The following FBXW8 variants were observed in gnomAD, a reference collection of about 807,000 sequenced individuals.
FBXW8 encodes F-box and WD repeat domain containing 8.
Under a neutral mutation model 65.3 loss-of-function variants are expected in FBXW8, and 57 were observed. The observed-to-expected ratio is 0.87, with a 90% CI of 0.71 to 1.09. The LOEUF (loss-of-function observed/expected upper bound fraction) is 1.09. FBXW8 is among the 50% of genes least tolerant of loss of function. FBXW8 has a pLI of 0.00. For synonymous variants in FBXW8, 308 were observed against 330.2 expected (o/e 0.93, Z 0.73); for missense variants, 777 against 814.8 (o/e 0.95, Z 0.57).
At chr12:116,946,858 T>C (rs1226755363) in intron 3 of FBXW8, among the ~76,000 whole-genome samples, 1 of 151,992 alleles carries the variant, frequency 6.6e-6, no homozygotes. Context: ...GGTCTAACCC[T>C]GGTGGGAGGG....
At chr12:116,911,485 C>T (rs1879940184) in intron 1 of FBXW8, 130 bp downstream of exon 1, 1 of 591,578 alleles carries the variant, frequency 1.7e-6, no homozygotes, top group Non-Finnish European at 2.5e-6. Flanking sequence ...CGCACAAACA[C>T]CAATGTTTGT....
chr12:116,929,304 G>C (rs551995630), intron 2 of FBXW8, among the ~76,000 whole-genome samples: 4 of 152,060 alleles, frequency 2.6e-5, no homozygotes, highest in Non-Finnish European at 4.4e-5. Context: ...GCGCGATCTC[G>C]GCTTCCTGCA....
rs1227735436 is a variant in FBXW8, at chr12:116,988,868, AG to A, written c.1239+1del. The A allele has an allele frequency of 1.2e-6, 2 of 1,613,388 alleles. No homozygotes were observed. The highest frequency in any genetic ancestry group is 3.3e-5 in the Admixed American group (2 of 60,012). ...QGLGWVYEGS[K>X]ILVYSLEAGR... ...CTGGGATGGGTGTACGAAGGAAGCA[AG>A]GTACACAACTAGCAAGATATATAAT... On this transcript the variant is annotated frameshift_variant and splice_region_variant, in exon 7 of 11. Transcript: ENST00000652555. LOFTEE classifies it high-confidence loss of function.
rs1172755911 is a variant in FBXW8, at chr12:116,911,043, C to T, written c.6C>T (p.Asp2=). Residue 2 remains aspartate, a synonymous_variant, in exon 1 of 11, where the codon GAC becomes GAT. Transcript: ENST00000652555. M[D]DYSLDEFRRR... ...GAGCGCCGGGAGCGGCGAATATGGA[C>T]GACTACAGCCTGGATGAGTTCCGTC... The T allele has an allele frequency of 9.7e-6, 14 of 1,439,020 alleles. 1 individual carries two copies. In the South Asian group the frequency reaches 1.8e-4, roughly 19 times the overall value. The allele number at this position is 1,439,020 out of a possible 1,614,324, so 89.1% of individuals were successfully genotyped here. A position where few individuals can be genotyped will look rare whatever the true frequency, so the allele number is the denominator to read the frequency against.
At chr12:116,979,765 TG>T (rs1170701594) in intron 5 of FBXW8, among the ~76,000 whole-genome samples, 2 of 133,268 alleles carry the variant, frequency 1.5e-5, no homozygotes, top group African/African-American at 6.1e-5. Flanking sequence ...TGATGCCTGG[TG>T]CAGGGAATGG....
At chr12:116,980,279 G>A (rs886798246) in intron 5 of FBXW8, 2 of 152,254 alleles carry the variant, frequency 1.3e-5, no homozygotes, top group Admixed American at 1.3e-4. Context: ...CTGGTTCCTG[G>A]TTCTGATCCC....
chr12:116,973,884 C>T (rs899558849), intron 5 of FBXW8, among the ~76,000 whole-genome samples: 4 of 152,314 alleles, frequency 2.6e-5, no homozygotes, highest in South Asian at 4.1e-4. Flanking sequence ...TAAAAAATAA[C>T]GTGTTTTTGA....
intron 8 of FBXW8, among the ~76,000 whole-genome samples, chr12:117,021,296 C>T (rs1171563500): frequency 6.6e-6 from 1 of 152,110 alleles, no homozygotes; most frequent in Non-Finnish European, 1.5e-5. Context: ...TCTTTTCTGT[C>T]GATTTAATAA....
intron 1 of FBXW8, among the ~76,000 whole-genome samples, chr12:116,912,750 A>T (rs1295585668): frequency 6.6e-6 from 1 of 152,210 alleles, no homozygotes; most frequent in African/African-American, 2.4e-5. Context: ...GGCGTGAGCC[A>T]CCGCGCCCGG....
intron 8 of FBXW8, among the ~76,000 whole-genome samples, chr12:117,023,530 A>AGGTTCTTAAAGAAATGGGGATTATT (rs1302532280): frequency 6.6e-6 from 1 of 152,160 alleles, no homozygotes; most frequent in Non-Finnish European, 1.5e-5. Context: ...GTTTTTAAAG[A>AGGTTCTTAAAGAAATGGGGATTATT]GGTTCTTAAA....
intron 2 of FBXW8, among the ~76,000 whole-genome samples, chr12:116,935,745 A>G (rs1307626973): frequency 6.6e-6 from 1 of 152,180 alleles, no homozygotes; most frequent in Admixed American, 6.5e-5. Context: ...GTGTGTTTGA[A>G]CTTTTCCACA....
chr12:116,973,451 T>C (rs576758559), intron 5 of FBXW8, among the ~76,000 whole-genome samples: 16 of 152,304 alleles, frequency 1.1e-4, no homozygotes, highest in Admixed American at 9.2e-4. Flanking sequence ...ACAGGAACCG[T>C]CTTAATAAAG....
chr12:116,921,468 T>C (rs1466047198), intron 1 of FBXW8, among the ~76,000 whole-genome samples: 6 of 152,236 alleles, frequency 3.9e-5, no homozygotes, highest in Non-Finnish European at 7.3e-5. Flanking sequence ...CTAATGAACT[T>C]TGGAGTACCT....
chr12:116,958,238 A>G (rs1334454125), intron 4 of FBXW8, among the ~76,000 whole-genome samples: 5 of 152,242 alleles, frequency 3.3e-5, no homozygotes, highest in Non-Finnish European at 7.3e-5. Context: ...TGTTAATTGC[A>G]TAATACAACC....
At chr12:116,984,241 G>T (rs902035720) in intron 5 of FBXW8, among the ~76,000 whole-genome samples, 6 of 152,174 alleles carry the variant, frequency 3.9e-5, no homozygotes, top group African/African-American at 1.4e-4. Context: ...TAGACCACTG[G>T]TCCTAAACTC....
At chr12:116,912,211 AG>A (rs974439669) in intron 1 of FBXW8, among the ~76,000 whole-genome samples, 1 of 142,078 alleles carries the variant, frequency 7.0e-6, no homozygotes, top group Admixed American at 7.4e-5. Flanking sequence ...TTTCTGAGAC[AG>A]GGTCTTGCTC....
chr12:116,915,640 C>CT (rs57687048), intron 1 of FBXW8, among the ~76,000 whole-genome samples: 2,214 of 77,148 alleles, frequency 0.029, 221 homozygotes, highest in East Asian at 0.092. Flanking sequence ...CACCTGACTA[C>CT]TTTTTTTTTT....
At chr12:116,947,653 C>T (rs576628065) in intron 3 of FBXW8, among the ~76,000 whole-genome samples, 9 of 150,106 alleles carry the variant, frequency 6.0e-5, no homozygotes, top group Non-Finnish European at 1.2e-4. Flanking sequence ...ATTGGAGAAT[C>T]GCCTGAACCC....
intron 1 of FBXW8, among the ~76,000 whole-genome samples, chr12:116,922,812 G>T (rs7133066): frequency 0.77 from 117,157 of 151,382 alleles, 46,562 homozygotes; most frequent in Non-Finnish European, 0.86. Flanking sequence ...GTGTGTGTGT[G>T]TTTTTTTTCC....
Sources: allele counts gnomAD v4.1 joint callset (sites outside exome capture counted in the v4.1 genomes callset), GRCh38; gene constraint gnomAD v4.1.1; transcripts MANE v1.5; gene names NCBI Gene and HGNC (gene_info 2026-07-23, HGNC 2026-07-21).